The following DMD variants were observed in gnomAD, a reference collection of about 807,000 sequenced individuals.
The protein encoded by DMD is mutant dystrophin.
Under a neutral mutation model 330.1 loss-of-function variants are expected in DMD, and 63 were observed. That is an observed-to-expected ratio of 0.19 (90% confidence interval 0.16 to 0.24). The LOEUF is 0.24. DMD is among the 10% of genes least tolerant of loss of function. The pLI is 1.00. For missense variants in DMD, 3,344 were observed against 2,684.1 expected (o/e 1.25, Z -5.43); for synonymous variants, 1,223 against 959.8 (o/e 1.27, Z -5.07).
At chrX:32,572,157 G>C (rs754751044) in intron 15 of DMD, among the ~76,000 whole-genome samples, 1 of 111,385 alleles carries the variant, frequency 9.0e-6, no homozygotes, top group Non-Finnish European at 1.9e-5. Context: ...TCAATAATAA[G>C]CTAGCTTGTA....
intron 67 of DMD, among the ~76,000 whole-genome samples, chrX:31,190,622 C>CG (rs2042244457): frequency 2.6e-4 from 1 of 3,810 alleles, no homozygotes; most frequent in African/African-American, 7.0e-4. Flanking sequence ...AGGGGGAGGG[C>CG]GGGGAGGGGG....
intron 51 of DMD, among the ~76,000 whole-genome samples, chrX:31,764,248 C>T (rs2089839585): frequency 9.0e-6 from 1 of 111,408 alleles, no homozygotes; most frequent in Admixed American, 9.6e-5. Context: ...TGCATTCTTT[C>T]CAACTACTGA....
intron 52 of DMD, among the ~76,000 whole-genome samples, chrX:31,712,478 A>G (rs1324272459): frequency 9.0e-6 from 1 of 111,636 alleles, no homozygotes; most frequent in Non-Finnish European, 1.9e-5. Context: ...GTTACCACAC[A>G]CTTTGAAAAG....
chrX:32,481,483 C>T (rs2148553986), intron 21 of DMD, among the ~76,000 whole-genome samples: 1 of 111,523 alleles, frequency 9.0e-6, no homozygotes, highest in East Asian at 2.8e-4. Flanking sequence ...TCTTAAAATC[C>T]AAACCTGTTA....
At chrX:32,122,064 A>C (rs1313598493) in intron 44 of DMD, among the ~76,000 whole-genome samples, 1 of 111,125 alleles carries the variant, frequency 9.0e-6, no homozygotes, top group Admixed American at 9.6e-5. Context: ...GATGATTTTT[A>C]ACTAGCTCCT....
chrX:32,867,863 T>C (rs967254262), intron 2 of DMD, among the ~76,000 whole-genome samples: 1 of 111,761 alleles, frequency 8.9e-6, no homozygotes, highest in Non-Finnish European at 1.9e-5. Flanking sequence ...CTCTTGATTT[T>C]AGACTGTAAT....
At chrX:32,190,174 G>A (rs1422594814) in intron 44 of DMD, among the ~76,000 whole-genome samples, 1 of 110,952 alleles carries the variant, frequency 9.0e-6, no homozygotes, top group East Asian at 2.8e-4. Context: ...ATAGTGGACA[G>A]GGCAGTCCAC....
At chrX:31,505,249 G>A in intron 56 of DMD, among the ~76,000 whole-genome samples, 1 of 111,585 alleles carries the variant, frequency 9.0e-6, no homozygotes, top group Middle Eastern at 4.6e-3. Flanking sequence ...AGTTTAAGCT[G>A]TAGAAAGCTA....
In DMD at chrX:33,275,328, C is replaced by T. The variant is rs149182341; in HGVS notation, c.7+63931G>A. Reference sequence around the variant, plus strand: ...CTGGCTATAAATCTCAGCTCTACCACTGACTAGCTGAGTTAACACGAACTT... The same window carrying T: ...CTGGCTATAAATCTCAGCTCTACCATTGACTAGCTGAGTTAACACGAACTT... On this transcript the variant is annotated intron_variant, in intron 1 of 17. Transcript: ENST00000288447. Among the ~76,000 whole-genome samples the T allele has an allele frequency of 5.8e-3, 640 of 109,858 alleles. 3 individuals are homozygous for T. The highest frequency in any genetic ancestry group is 0.022 in the African/African-American group (622 of 28,829).
intron 67 of DMD, among the ~76,000 whole-genome samples, chrX:31,186,926 C>G (rs1374270222): frequency 2.7e-5 from 3 of 112,274 alleles, no homozygotes; most frequent in Non-Finnish European, 5.6e-5. Flanking sequence ...TGGGAAACAT[C>G]CTTAGAAGGT....
At chrX:31,950,877 C>A (rs1415483940) in intron 45 of DMD, among the ~76,000 whole-genome samples, 1 of 106,699 alleles carries the variant, frequency 9.4e-6, no homozygotes, top group East Asian at 2.9e-4. Context: ...TAATACATTT[C>A]TCTTTTAAAC....
intron 7 of DMD, among the ~76,000 whole-genome samples, chrX:32,744,390 G>A (rs1201729344): frequency 1.8e-5 from 2 of 110,259 alleles, no homozygotes; most frequent in Non-Finnish European, 3.8e-5. Flanking sequence ...AGCATTGTGT[G>A]ATCTTGGTGT....
chrX:33,127,400 A>G (rs1473167791), intron 1 of DMD, among the ~76,000 whole-genome samples: 1 of 111,295 alleles, frequency 9.0e-6, no homozygotes, highest in Admixed American at 9.6e-5. Context: ...TTTAGAAGCT[A>G]CCATTTAATA....
intron 55 of DMD, among the ~76,000 whole-genome samples, chrX:31,545,938 T>C (rs981123887): frequency 8.9e-6 from 1 of 112,179 alleles, no homozygotes; most frequent in Non-Finnish European, 1.9e-5. Flanking sequence ...CTGAGGTATA[T>C]AGAGGTGACT....
At chrX:31,249,946 C>T in intron 63 of DMD, among the ~76,000 whole-genome samples, 1 of 111,662 alleles carries the variant, frequency 9.0e-6, no homozygotes, top group Non-Finnish European at 1.9e-5. Context: ...AGATAAGTCT[C>T]ATCATAACTA....
chrX:32,438,878 C>G (rs990396284), intron 28 of DMD, among the ~76,000 whole-genome samples: 9 of 111,675 alleles, frequency 8.1e-5, no homozygotes, highest in Admixed American at 1.9e-4. Flanking sequence ...GAAGAGAGAG[C>G]AGAGAGTGCC....
chrX:31,606,730 A>T (rs774560662), intron 55 of DMD, among the ~76,000 whole-genome samples: 1 of 112,307 alleles, frequency 8.9e-6, no homozygotes, highest in East Asian at 2.8e-4. Flanking sequence ...ATTATATAAA[A>T]CAAAACAGCT....
intron 1 of DMD, among the ~76,000 whole-genome samples, chrX:33,104,640 G>T (rs1340220407): frequency 9.0e-6 from 1 of 111,106 alleles, no homozygotes; most frequent in Non-Finnish European, 1.9e-5. Flanking sequence ...CCTGCACCCA[G>T]GTGAAATAAA....
chrX:31,928,472 G>C (rs907199572), intron 47 of DMD, among the ~76,000 whole-genome samples: 6 of 111,195 alleles, frequency 5.4e-5, no homozygotes, highest in Non-Finnish European at 9.4e-5. Flanking sequence ...TGGGCATGCT[G>C]GCAGGTGCCT....
Sources: gnomAD v4.1 joint callset for allele counts (sites outside exome capture counted in the v4.1 genomes callset) on GRCh38, gnomAD v4.1.1 for gene constraint, MANE v1.5 for transcripts, NCBI Gene and HGNC (gene_info 2026-07-23, HGNC 2026-07-21) for gene names.